COLEC12: variants seen among roughly 807,000 people sequenced by gnomAD.
COLEC12 encodes collectin-12.
Under a neutral mutation model 71.1 loss-of-function variants are expected in COLEC12, and 33 were observed. That is an observed-to-expected ratio of 0.46 (90% CI 0.35 to 0.62). The LOEUF (loss-of-function observed/expected upper bound fraction) is 0.62. Among genes scored for constraint, COLEC12 ranks in the 20% least tolerant of loss-of-function variants. The pLI, the probability that COLEC12 is intolerant of heterozygous loss-of-function variation, is 0.00. For synonymous variants in COLEC12, 350 were observed against 353.0 expected (o/e 0.99, Z 0.10); for missense variants, 765 against 916.1 (o/e 0.84, Z 2.13).
rs116369501 is a variant in COLEC12, at chr18:486,090, A to G, written c.8-5333T>C. Among the ~76,000 whole-genome samples the G allele has an allele frequency of 3.7e-3, 564 of 152,288 alleles. 6 individuals carry two copies. Among genetic ancestry groups the G allele is most frequent in the African/African-American group, 0.013 (540 of 41,580 alleles). ...AAAGATAAAGTCTTTCCCTTTTTGC[A>G]TACTCACCATGTTTGCAGAAGAGAG... On this transcript the variant is annotated intron_variant, in intron 1 of 9. Transcript: ENST00000400256.
At position 347,007 on chromosome 18, in the gene COLEC12, G is replaced by A; in HGVS notation, c.615C>T (p.Asn205=). 1 of 1,614,204 alleles carries A rather than the reference G, an allele frequency of 6.2e-7. No individual in the cohort carries two copies. The highest frequency in any genetic ancestry group is 8.5e-7 in the Non-Finnish European group (1 of 1,180,030). Residue 205 remains asparagine (N), a synonymous_variant, in exon 5 of 10, where the codon AAC becomes AAT. Coordinates refer to ENST00000400256, the MANE Select transcript of COLEC12 (RefSeq NM_130386.3). ...QMYSHNVVIM[N]LNNLNLTQVQ... is the part of the protein sequence containing the mutation. ...CCTGGGTCAGGTTCAGGTTGTTGAG[G>A]TTCATGATGACCACATTATGAGAAT...
intron 5 of COLEC12, among the ~76,000 whole-genome samples, chr18:335,986 G>C (rs1280868786): frequency 6.6e-6 from 1 of 152,184 alleles, no homozygotes; most frequent in Non-Finnish European, 1.5e-5. Context: ...TGTAGACCAG[G>C]ATCAGGATTT....
At chr18:412,822 C>T (rs915712320) in intron 2 of COLEC12, among the ~76,000 whole-genome samples, 1 of 152,134 alleles carries the variant, frequency 6.6e-6, no homozygotes, top group African/African-American at 2.4e-5. Context: ...AAGGGACTCA[C>T]TAGAAACCAC....
chr18:331,663 C>T lies in COLEC12; in HGVS notation c.2063+5G>A. 1 of 1,582,232 alleles carries T rather than the reference C, an allele frequency of 6.3e-7. No homozygotes were observed. Among genetic ancestry groups the T allele is most frequent in the Non-Finnish European group, 8.7e-7 (1 of 1,150,914 alleles). On this transcript the variant is annotated splice_donor_5th_base_variant and intron_variant, in intron 8 of 9. Transcript: ENST00000400256. ...CCACCAATCTGGAAGCTTCTGAGTA[C>T]TTACTTGTAGTCTGGAGATGTCCCA... is the stretch of plus-strand genomic sequence containing the variant.
chr18:368,790 C>CG (rs1567886751), intron 2 of COLEC12, among the ~76,000 whole-genome samples: 1 of 151,948 alleles, frequency 6.6e-6, no homozygotes, highest in Non-Finnish European at 1.5e-5. Flanking sequence ...GGCGTGAACC[C>CG]GGGAGGCGGA....
intron 2 of COLEC12, among the ~76,000 whole-genome samples, chr18:374,203 T>G (rs550083338): frequency 6.6e-6 from 1 of 152,358 alleles, no homozygotes; most frequent in East Asian, 1.9e-4. Flanking sequence ...TACACCTCGA[T>G]GTCCTCAAAA....
chr18:324,915 C>T (rs767192871), intron 8 of COLEC12, among the ~76,000 whole-genome samples: 5 of 152,014 alleles, frequency 3.3e-5, no homozygotes, highest in South Asian at 2.1e-4. Context: ...TTCAGCCTAG[C>T]GCAGTGGCTC....
At chr18:442,346 G>A (rs1177110717) in intron 2 of COLEC12, among the ~76,000 whole-genome samples, 3 of 152,190 alleles carry the variant, frequency 2.0e-5, no homozygotes, top group African/African-American at 7.2e-5. Flanking sequence ...TCCCAAGCCT[G>A]CCTCTGGGAC....
At chr18:365,700 A>T (rs1333007625) in intron 2 of COLEC12, among the ~76,000 whole-genome samples, 1 of 152,208 alleles carries the variant, frequency 6.6e-6, no homozygotes, top group African/African-American at 2.4e-5. Flanking sequence ...CTCTAAAAAA[A>T]AATTATCTGG....
At chr18:483,083 G>A (rs958876911) in intron 1 of COLEC12, among the ~76,000 whole-genome samples, 11 of 152,242 alleles carry the variant, frequency 7.2e-5, no homozygotes, top group Admixed American at 2.6e-4. Context: ...CAGAATACTT[G>A]TTTGTTACAA....
At chr18:442,907 G>A (rs1916572573) in intron 2 of COLEC12, among the ~76,000 whole-genome samples, 1 of 152,192 alleles carries the variant, frequency 6.6e-6, no homozygotes, top group African/African-American at 2.4e-5. Flanking sequence ...CTTGCAGTGA[G>A]CCGAGATCCC....
intron 2 of COLEC12, among the ~76,000 whole-genome samples, chr18:426,304 T>C (rs2143663916): frequency 6.6e-6 from 1 of 152,300 alleles, no homozygotes. Flanking sequence ...GTGTTGTCAA[T>C]GGAAAACTAG....
chr18:462,855 T>G (rs1917009548), intron 2 of COLEC12, among the ~76,000 whole-genome samples: 2 of 152,306 alleles, frequency 1.3e-5, no homozygotes, highest in South Asian at 4.1e-4. Flanking sequence ...ATTGTTGAAA[T>G]GTTGAAGCCT....
chr18:321,856 T>C (rs762051735), intron 8 of COLEC12, 49 bp from the exon 9 acceptor site: 1 of 1,553,772 alleles, frequency 6.4e-7, no homozygotes, highest in South Asian at 1.2e-5. Context: ...AATGCAGAGC[T>C]TTTCTTTACT....
chr18:423,849 T>C (rs984837943), intron 2 of COLEC12: 3 of 152,116 alleles, frequency 2.0e-5, no homozygotes, highest in African/African-American at 7.2e-5. Context: ...GTGTAAGAAG[T>C]GCTTGGAGAC....
chr18:383,253 A>C (rs1214301675), intron 2 of COLEC12, among the ~76,000 whole-genome samples: 1 of 152,236 alleles, frequency 6.6e-6, no homozygotes, highest in Non-Finnish European at 1.5e-5. Flanking sequence ...TTTTAAATTA[A>C]AATTGCCAGA....
At chr18:461,609 A>G (rs2143734827) in intron 2 of COLEC12, among the ~76,000 whole-genome samples, 1 of 152,320 alleles carries the variant, frequency 6.6e-6, no homozygotes, top group Admixed American at 6.5e-5. Flanking sequence ...ACTGGTCTTG[A>G]ATTCCTGAAC....
intron 2 of COLEC12, among the ~76,000 whole-genome samples, chr18:471,967 A>G (rs1336364329): frequency 6.6e-6 from 1 of 152,234 alleles, no homozygotes. Context: ...GCACTGAAAC[A>G]AAGCCTGGAC....
Position 357,421 on chromosome 18 carries a change from C to G in COLEC12, c.160G>C (p.Val54Leu), listed in dbSNP as rs1490421694. The G allele has an allele frequency of 6.2e-7, 1 of 1,600,568 alleles. No homozygotes were observed. Among genetic ancestry groups the G allele is most frequent in the African/African-American group, 1.3e-5 (1 of 74,574 alleles). The change falls in exon 3 of 10, where the codon GTA (valine) becomes CTA (leucine). Residue 54 changes from valine to leucine, a missense_variant. By Grantham distance (32) the Val-to-Leu change is conservative. Coordinates refer to ENST00000400256, the MANE Select transcript of COLEC12 (RefSeq NM_130386.3). ...YILCALLTIT[V>L]AILGYKVVEK... ...TTACCTTTATATCCCAAAATGGCTA[C>G]TGTGATTGTTAGCAAGGCACACAAA...
Sources: allele counts gnomAD v4.1 joint callset (sites outside exome capture counted in the v4.1 genomes callset), GRCh38; gene constraint gnomAD v4.1.1; transcripts MANE v1.5; gene names NCBI Gene and HGNC (gene_info 2026-07-23, HGNC 2026-07-21).